SYNDIG1: variants seen among roughly 807,000 people sequenced by gnomAD.
The protein encoded by SYNDIG1 is synapse differentiation inducing 1, also known as synapse differentiation-inducing gene protein 1.
Under a neutral mutation model 19.4 loss-of-function variants are expected in SYNDIG1, and 9 were observed. The observed-to-expected ratio is 0.46, with a 90% CI of 0.28 to 0.81. The LOEUF (loss-of-function observed/expected upper bound fraction) is 0.81. SYNDIG1 is among the 30% of genes least tolerant of loss of function. The pLI, the probability that SYNDIG1 is intolerant of heterozygous loss-of-function variation, is 0.12. For missense variants in SYNDIG1, 311 were observed against 343.3 expected (o/e 0.91, Z 0.74); for synonymous variants, 141 against 145.9 (o/e 0.97, Z 0.24).
At position 24,665,466 on chromosome 20, in the gene SYNDIG1, G is replaced by A; in HGVS notation, c.739G>A (p.Ala247Thr). The change falls in exon 4 of 4, where the codon GCC (alanine) becomes ACC (threonine). Residue 247 changes from alanine (A) to threonine (T), a missense_variant. Coordinates refer to ENST00000376862, the MANE Select transcript of SYNDIG1 (RefSeq NM_024893.3). ...GTGVYVGVAV[A>T]LIAYLSKNNH... ...TGGCGTCTATGTGGGCGTGGCCGTG[G>A]CCCTCATCGCCTACCTCTCCAAGAA... 1 of 1,613,992 alleles carries A rather than the reference G, an allele frequency of 6.2e-7. No homozygotes were observed. The highest frequency in any genetic ancestry group is 8.5e-7 in the Non-Finnish European group (1 of 1,179,976).
In SYNDIG1 at chr20:24,527,662, C is replaced by G. The variant is rs549875829; in HGVS notation, c.-78-15358C>G. ...GCTAAATTGGGGAGGGGGTCTTTCT[C>G]TTAGAGATGTTTGTTTCTATTCTGC... On this transcript the variant is annotated intron_variant, in intron 1 of 3. Transcript: ENST00000376862. 3.3e-5 allele frequency among the ~76,000 whole-genome samples: 5 copies of G among 152,130 alleles called. 1 individual carries two copies. Among genetic ancestry groups the G allele is most frequent in the African/African-American group, 1.2e-4 (5 of 41,486 alleles).
rs573842996 is a variant in SYNDIG1 at position 24,534,084 on chromosome 20, A to C, written c.-78-8936A>C. Among the ~76,000 whole-genome samples, 8 of 152,246 alleles carry C rather than the reference A, an allele frequency of 5.3e-5. No homozygotes were observed. In the South Asian group the frequency reaches 1.7e-3, roughly 32 times the overall value. On this transcript the variant is annotated intron_variant, in intron 1 of 3. Coordinates refer to ENST00000376862, the MANE Select transcript of SYNDIG1 (RefSeq NM_024893.3). ...AGCAAGAGAAAGAGGAGGGGGTCCC[A>C]GTCTCTTTTCAACAACCAGCTCTTA...
intron 3 of SYNDIG1, among the ~76,000 whole-genome samples, chr20:24,602,821 GT>G (rs1194721960): frequency 2.0e-5 from 3 of 152,168 alleles, no homozygotes; most frequent in African/African-American, 7.2e-5. Context: ...TTCCTTAATT[GT>G]TTATACAGAG....
At chr20:24,577,655 G>A (rs1278963820) in intron 2 of SYNDIG1, among the ~76,000 whole-genome samples, 1 of 152,234 alleles carries the variant, frequency 6.6e-6, no homozygotes, top group Non-Finnish European at 1.5e-5. Context: ...TAGATGCAGA[G>A]GGGCTTGAGC....
chr20:24,536,527 T>G (rs1158996060), intron 1 of SYNDIG1, among the ~76,000 whole-genome samples: 1 of 152,140 alleles, frequency 6.6e-6, no homozygotes, highest in African/African-American at 2.4e-5. Context: ...GGAGATAGCC[T>G]CAGGCCCCAT....
At chr20:24,657,100 TG>T (rs1283151316) in intron 3 of SYNDIG1, among the ~76,000 whole-genome samples, 4 of 152,194 alleles carry the variant, frequency 2.6e-5, no homozygotes, top group Non-Finnish European at 4.4e-5. Context: ...GCTGGCGCCA[TG>T]TTTCCTGTAC....
intron 1 of SYNDIG1, among the ~76,000 whole-genome samples, chr20:24,474,387 G>T (rs6114738): frequency 6.6e-6 from 1 of 152,054 alleles, no homozygotes; most frequent in Non-Finnish European, 1.5e-5. Flanking sequence ...ATAAGCTTCA[G>T]GATCAAAAAT....
intron 3 of SYNDIG1, among the ~76,000 whole-genome samples, chr20:24,604,351 T>C (rs1025538734): frequency 2.0e-5 from 3 of 152,044 alleles, no homozygotes; most frequent in South Asian, 2.1e-4. Context: ...AGACAGGAGG[T>C]TGGCACCAGA....
intron 1 of SYNDIG1, among the ~76,000 whole-genome samples, chr20:24,489,354 G>A (rs1476988454): frequency 2.0e-5 from 3 of 148,736 alleles, no homozygotes; most frequent in Non-Finnish European, 4.4e-5. Flanking sequence ...ACACACACAA[G>A]ATACATGCAT....
chr20:24,658,576 T>G lies in SYNDIG1; in HGVS notation c.619-6770T>G, dbSNP rs1296490880. Reference sequence around the variant, plus strand: ...TTCATCTTGCAGCCGTTTCATTATCTCCACCCTGACATCGAACCGTGTGGA... The same window carrying G: ...TTCATCTTGCAGCCGTTTCATTATCGCCACCCTGACATCGAACCGTGTGGA... On this transcript the variant is annotated intron_variant, in intron 3 of 3. Coordinates refer to ENST00000376862, the MANE Select transcript of SYNDIG1 (RefSeq NM_024893.3). The surrounding 1 kb of genome is among the most constrained non-coding windows in gnomAD (Gnocchi z 4.4). 6.6e-6 allele frequency among the ~76,000 whole-genome samples: 1 copy of G among 151,850 alleles called. No homozygotes were observed. The highest frequency in any genetic ancestry group is 1.9e-4 in the East Asian group (1 of 5,150).
At chr20:24,493,577 T>C (rs1274282016) in intron 1 of SYNDIG1, among the ~76,000 whole-genome samples, 1 of 152,236 alleles carries the variant, frequency 6.6e-6, no homozygotes, top group African/African-American at 2.4e-5. Flanking sequence ...CAATATTAAA[T>C]ATCCTTGAAG....
intron 3 of SYNDIG1, among the ~76,000 whole-genome samples, chr20:24,618,431 G>A (rs995338718): frequency 1.3e-5 from 2 of 152,082 alleles, no homozygotes; most frequent in South Asian, 2.1e-4. Context: ...GGGAGGCAGA[G>A]CACCAGGCCT....
intron 1 of SYNDIG1, among the ~76,000 whole-genome samples, chr20:24,514,898 A>G (rs1012734529): frequency 1.3e-5 from 2 of 152,238 alleles, no homozygotes; most frequent in African/African-American, 4.8e-5. Flanking sequence ...CAGCAAATGT[A>G]AAAGAACAGA....
intron 3 of SYNDIG1, among the ~76,000 whole-genome samples, chr20:24,590,568 G>A (rs900596213): frequency 6.6e-6 from 1 of 152,276 alleles, no homozygotes; most frequent in East Asian, 1.9e-4. Flanking sequence ...AATTTCATAA[G>A]CAGTGGGGAG....
At chr20:24,608,205 T>TC (rs2058789567) in intron 3 of SYNDIG1, among the ~76,000 whole-genome samples, 1 of 152,062 alleles carries the variant, frequency 6.6e-6, no homozygotes. Flanking sequence ...TTTTTTTTTT[T>TC]GAGACAGTCT....
At chr20:24,513,834 A>T (rs952821084) in intron 1 of SYNDIG1, among the ~76,000 whole-genome samples, 3 of 152,206 alleles carry the variant, frequency 2.0e-5, no homozygotes, top group Non-Finnish European at 4.4e-5. Flanking sequence ...CAGATTCACC[A>T]AAGTTGAAAT....
At chr20:24,630,697 T>G (rs894520011) in intron 3 of SYNDIG1, among the ~76,000 whole-genome samples, 1 of 152,220 alleles carries the variant, frequency 6.6e-6, no homozygotes, top group African/African-American at 2.4e-5. Context: ...GGGAGCCTCA[T>G]GCTGCATCCT....
intron 1 of SYNDIG1, among the ~76,000 whole-genome samples, chr20:24,512,889 C>T (rs13044694): frequency 6.6e-6 from 1 of 152,274 alleles, no homozygotes; most frequent in Admixed American, 6.5e-5. Flanking sequence ...TAGGGGCAGA[C>T]TGACAACTCA....
Position 24,469,951 on chromosome 20 carries a change from A to G in SYNDIG1, c.-79+198A>G, listed in dbSNP as rs565818931. On this transcript the variant is annotated intron_variant, in intron 1 of 3. Transcript: ENST00000376862. Reference sequence around the variant, plus strand: ...GTAAGTCCGGGTGGTCGCCGCGACGAGACTTGGGAGACACGGGGTCGCAGG... The same window carrying G: ...GTAAGTCCGGGTGGTCGCCGCGACGGGACTTGGGAGACACGGGGTCGCAGG... Among the ~76,000 whole-genome samples the G allele has an allele frequency of 2.3e-3, 346 of 150,128 alleles. 3 individuals are homozygous for G. Among genetic ancestry groups the G allele is most frequent in the African/African-American group, 8.0e-3 (327 of 40,650 alleles).
Sources: allele counts gnomAD v4.1 joint callset (sites outside exome capture counted in the v4.1 genomes callset), GRCh38; gene constraint gnomAD v4.1.1; non-coding constraint Gnocchi (gnomAD v3.1); transcripts MANE v1.5; gene names NCBI Gene and HGNC (gene_info 2026-07-23, HGNC 2026-07-21).